Variants in CNTLN observed in about 807,000 individuals in gnomAD.
The protein encoded by CNTLN is centlein, centrosomal protein.
CNTLN carries 212 observed loss-of-function variants against 180.0 expected under a neutral mutation model. That is an observed-to-expected ratio of 1.18 (90% confidence interval 1.05 to 1.32). The LOEUF (loss-of-function observed/expected upper bound fraction) is 1.32. CNTLN is among the 40% of genes most tolerant of loss of function. The probability of loss-of-function intolerance (pLI) is 0.00; values close to 1 mark genes in which losing one functional copy is unlikely to be tolerated. For missense variants in CNTLN, 2,095 were observed against 1,610.9 expected (o/e 1.30, Z -5.14); for synonymous variants, 722 against 563.1 (o/e 1.28, Z -3.99).
chr9:17,337,189 C>CTTGTAGATTCTGGATA (rs545109184), intron 10 of CNTLN, among the ~76,000 whole-genome samples: 376 of 151,894 alleles, frequency 2.5e-3, no homozygotes, highest in African/African-American at 8.6e-3. Flanking sequence ...GTTTAAGTTC[C>CTTGTAGATTCTGGATA]TTGTAGATTC....
At chr9:17,486,898 TGATATTACTCCA>T (rs1832916929) in intron 24 of CNTLN, 79 bp from the exon 25 acceptor site, 1 of 631,320 alleles carries the variant, frequency 1.6e-6, no homozygotes, top group African/African-American at 1.9e-5. Context: ...CTAATTCTAC[TGATATTACTCCA>T]GATTTATTCA....
chr9:17,341,212 AACTT>A (rs772048491), intron 11 of CNTLN, among the ~76,000 whole-genome samples: 91 of 152,276 alleles, frequency 6.0e-4, no homozygotes, highest in Non-Finnish European at 9.3e-4. Flanking sequence ...TCAATGGAAT[AACTT>A]AATAAAATTA....
chr9:17,366,853 A>G lies in CNTLN; in HGVS notation c.1987+136A>G, dbSNP rs1823865232. On this transcript the variant is annotated intron_variant, in intron 13 of 25. Transcript: ENST00000380647. Reference sequence around the variant, plus strand: ...ACACTTTATTCATTGATAACTCACTAACATTTTCATCCTGAGAAAATTAAA... The same window carrying G: ...ACACTTTATTCATTGATAACTCACTGACATTTTCATCCTGAGAAAATTAAA... 14 of 546,174 alleles carry G rather than the reference A, an allele frequency of 2.6e-5. No homozygotes were observed. The South Asian group carries it at 3.3e-4, about 13-fold the overall frequency. The allele number at this position is 546,174 out of a possible 1,614,324, so 33.8% of individuals were successfully genotyped here.
intron 18 of CNTLN, among the ~76,000 whole-genome samples, chr9:17,427,660 A>G (rs1052555902): frequency 5.3e-5 from 8 of 152,120 alleles, no homozygotes; most frequent in African/African-American, 1.2e-4. Context: ...TCTTTACTTC[A>G]TGATTCTGTG....
At chr9:17,512,804 G>C in the CNTLN span, among the ~76,000 whole-genome samples, 1 of 152,096 alleles carries the variant, frequency 6.6e-6, no homozygotes, top group African/African-American at 2.4e-5. Flanking sequence ...GACTTTTATA[G>C]TCTATCATTT....
intron 18 of CNTLN, among the ~76,000 whole-genome samples, chr9:17,453,513 A>G (rs1830921787): frequency 6.6e-6 from 1 of 152,178 alleles, no homozygotes; most frequent in Admixed American, 6.5e-5. Context: ...ATTAAAAAAA[A>G]TCAGGACCCA....
At chr9:17,460,516 A>G (rs1460823631) in intron 19 of CNTLN, among the ~76,000 whole-genome samples, 1 of 151,724 alleles carries the variant, frequency 6.6e-6, no homozygotes, top group African/African-American at 2.4e-5. Context: ...CTTCTCGTCA[A>G]CCTGGTCAAG....
intron 2 of CNTLN, among the ~76,000 whole-genome samples, chr9:17,184,336 A>G (rs773885370): frequency 4.6e-5 from 7 of 152,150 alleles, no homozygotes; most frequent in Non-Finnish European, 8.8e-5. Context: ...ACATTTTTGT[A>G]GTACTATTTC....
At chr9:17,245,842 AAT>A (rs932317195) in intron 5 of CNTLN, among the ~76,000 whole-genome samples, 4 of 151,910 alleles carry the variant, frequency 2.6e-5, no homozygotes, top group East Asian at 1.9e-4. Context: ...TGCATTCTTT[AAT>A]ATGTCAGTTA....
intron 2 of CNTLN, among the ~76,000 whole-genome samples, chr9:17,214,897 G>C (rs547408412): frequency 6.6e-6 from 1 of 152,292 alleles, no homozygotes; most frequent in Non-Finnish European, 1.5e-5. Context: ...ATGGTTTTCA[G>C]CTCCATCAGG....
intron 6 of CNTLN, among the ~76,000 whole-genome samples, chr9:17,282,055 C>G (rs942577804): frequency 2.0e-5 from 3 of 152,142 alleles, no homozygotes; most frequent in Non-Finnish European, 4.4e-5. Context: ...TTATGCCTCC[C>G]CAGTTCAAGC....
chr9:17,362,939 C>A (rs988219545), intron 12 of CNTLN, among the ~76,000 whole-genome samples: 1 of 152,034 alleles, frequency 6.6e-6, no homozygotes, highest in Non-Finnish European at 1.5e-5. Flanking sequence ...CTCTCTGTGT[C>A]CATGTGTTCT....
intron 23 of CNTLN, among the ~76,000 whole-genome samples, chr9:17,473,893 G>T (rs1340366173): frequency 1.3e-5 from 2 of 152,130 alleles, no homozygotes; most frequent in Non-Finnish European, 2.9e-5. Flanking sequence ...TGATATCGTT[G>T]ATCACTCCTT....
intron 5 of CNTLN, among the ~76,000 whole-genome samples, chr9:17,272,029 T>C (rs1417826830): frequency 1.4e-5 from 2 of 139,930 alleles, no homozygotes; most frequent in African/African-American, 5.2e-5. Flanking sequence ...CTCCCTCCCT[T>C]CCTTCCTTTT....
intron 5 of CNTLN, among the ~76,000 whole-genome samples, chr9:17,255,193 C>T (rs531725596): frequency 1.3e-5 from 2 of 151,790 alleles, no homozygotes; most frequent in South Asian, 2.1e-4. Flanking sequence ...TGCATAGTTG[C>T]TCTGGCTAGG....
chr9:17,504,417 C>T (rs1004534540), downstream of CNTLN, among the ~76,000 whole-genome samples: 1 of 152,108 alleles, frequency 6.6e-6, no homozygotes, highest in African/African-American at 2.4e-5. Context: ...CTAGTATGAC[C>T]TTGATACCAA....
chr9:17,525,013 A>G, the CNTLN span, among the ~76,000 whole-genome samples: 3 of 152,220 alleles, frequency 2.0e-5, no homozygotes, highest in African/African-American at 7.2e-5. Context: ...GACAAAAACA[A>G]GATCACTCTC....
chr9:17,504,783 A>G (rs1833902853), downstream of CNTLN, among the ~76,000 whole-genome samples: 1 of 152,154 alleles, frequency 6.6e-6, no homozygotes, highest in Non-Finnish European at 1.5e-5. Flanking sequence ...GAGACCAGAA[A>G]AGGCAAGGAA....
Position 17,364,093 on chromosome 9 carries a change from A to G in CNTLN, c.1887-2524A>G, listed in dbSNP as rs1823614686. 2.0e-5 allele frequency among the ~76,000 whole-genome samples: 3 copies of G among 152,160 alleles called. No individual in the cohort carries two copies. The South Asian group carries it at 6.2e-4, about 32-fold the overall frequency. The stretch of plus-strand genomic sequence containing the variant: ...CACTAAGACATTTTTAAGTGTGAAC[A>G]GAGTTTTATTTACTCTTCTTGCAAT... On this transcript the variant is annotated intron_variant, in intron 12 of 25. Transcript: ENST00000380647.
Sources: allele counts gnomAD v4.1 joint callset (sites outside exome capture counted in the v4.1 genomes callset), GRCh38; gene constraint gnomAD v4.1.1; transcripts MANE v1.5; gene names NCBI Gene and HGNC (gene_info 2026-07-23, HGNC 2026-07-21).